Variants in FADS3 observed in about 807,000 individuals in gnomAD.
FADS3 encodes the protein cytochrome b5-related protein.
In FADS3, 30 loss-of-function variants were observed where a neutral mutation model predicts 60.4. The observed-to-expected ratio is 0.50, with a 90% CI of 0.37 to 0.67. The LOEUF (loss-of-function observed/expected upper bound fraction) is 0.67, where lower values mean the gene tolerates loss of function less well. Ranked by LOEUF, FADS3 falls within the 30% of genes least tolerant of loss-of-function variation. The pLI, the probability that FADS3 is intolerant of heterozygous loss-of-function variation, is 0.00. For synonymous variants in FADS3, 234 were observed against 249.3 expected, an observed-to-expected ratio of 0.94 and a Z score of 0.58; for missense variants, 432 against 598.3, an observed-to-expected ratio of 0.72 and a Z score of 2.90.
At position 61,876,759 on chromosome 11, in the gene FADS3, C is replaced by T; in HGVS notation, c.983+107G>A. ...TGATTCCACCAGCAAGCCAGGGAGG[C>T]AGTACCACTGGCCCCATTCTGCAGA... On this transcript the variant is annotated intron_variant, in intron 8 of 11. Transcript: ENST00000278829. This position sits in a 1 kb window ranked among gnomAD's most constrained non-coding sequence, Gnocchi z 5.7. The T allele has an allele frequency of 1.1e-6, 1 of 911,828 alleles. No individual in the cohort carries two copies. Among genetic ancestry groups the T allele is most frequent in the Non-Finnish European group, 1.8e-6 (1 of 568,816 alleles). The allele number at this position is 911,828 out of a possible 1,614,324, so 56.5% of individuals were successfully genotyped here. A position where few individuals can be genotyped will look rare whatever the true frequency, so the allele number is the denominator to read the frequency against.
intron 1 of FADS3, chr11:61,890,551 T>G (rs1938467921): frequency 6.6e-6 from 1 of 152,374 alleles, no homozygotes; most frequent in Non-Finnish European, 1.5e-5. Flanking sequence ...TCCCTGCCTG[T>G]CTAGACAGGG....
chr11:61,889,711 G>A (rs1387881713), intron 1 of FADS3, among the ~76,000 whole-genome samples: 1 of 149,462 alleles, frequency 6.7e-6, no homozygotes, highest in Non-Finnish European at 1.5e-5. Context: ...AAAGACTAGA[G>A]CAGGCCGGGA....
intron 11 of FADS3, among the ~76,000 whole-genome samples, chr11:61,875,422 G>A (rs1288967140): frequency 1.2e-4 from 16 of 133,942 alleles, no homozygotes; most frequent in South Asian, 4.7e-4. Flanking sequence ...TAGTAGAGAC[G>A]GGGTTTCACC....
In FADS3 at chr11:61,876,206, G is replaced by A. The variant is rs202187518; in HGVS notation, c.1081-16C>T. 1.1e-5 allele frequency: 18 copies of A among 1,590,652 alleles called. No homozygotes were observed. The highest frequency in any genetic ancestry group is 7.1e-5 in the Admixed American group (4 of 56,146). ...TGGCTGCCAGCTGCCGGAAGCCGGCGGGGCACATGTGAGGAGGCCGTTGCA... is the reference window on the plus strand; with the variant it reads ...TGGCTGCCAGCTGCCGGAAGCCGGCAGGGCACATGTGAGGAGGCCGTTGCA... On this transcript the variant is annotated splice_polypyrimidine_tract_variant and intron_variant, in intron 9 of 11. Coordinates refer to ENST00000278829, the MANE Select transcript of FADS3 (RefSeq NM_021727.5). This position sits in a 1 kb window ranked among gnomAD's most constrained non-coding sequence, Gnocchi z 5.7.
At chr11:61,890,966 G>C (rs545151881) in intron 1 of FADS3, among the ~76,000 whole-genome samples, 1 of 152,316 alleles carries the variant, frequency 6.6e-6, no homozygotes, top group African/African-American at 2.4e-5. Flanking sequence ...GGACAGCTGC[G>C]GGTCCTCCAC....
In FADS3 at chr11:61,891,264, C is replaced by T; in HGVS notation, c.118G>A (p.Val40Ile). The T allele has an allele frequency of 6.5e-7, 1 of 1,541,556 alleles. No homozygotes were observed. Among genetic ancestry groups the T allele is most frequent in the Non-Finnish European group, 8.7e-7 (1 of 1,146,860 alleles). Residue 40 changes from valine to isoleucine, a missense_variant, in exon 1 of 12, where the codon GTC (valine) becomes ATC (isoleucine). Transcript: ENST00000278829. ...ATGTCGTAGACGCGGCGCTCGATGACCAGCCACTTGTCGCCGGGCTGGTCG... is the reference window on the plus strand; with the variant it reads ...ATGTCGTAGACGCGGCGCTCGATGATCAGCCACTTGTCGCCGGGCTGGTCG... ...AHDQPGDKWLVIERRVYDISR... is the reference protein window; with the variant it reads ...AHDQPGDKWLIIERRVYDISR...
At chr11:61,879,097 C>A (rs564694386) in intron 3 of FADS3, among the ~76,000 whole-genome samples, 47 of 152,338 alleles carry the variant, frequency 3.1e-4, no homozygotes, top group Non-Finnish European at 1.5e-4. Flanking sequence ...GGAATCTGTT[C>A]AAGAAGGAAC....
At chr11:61,879,266 C>T (rs371236051) in intron 3 of FADS3, 46 bp downstream of exon 3, 135 of 1,498,860 alleles carry the variant, frequency 9.0e-5, no homozygotes, top group East Asian at 6.9e-4. Flanking sequence ...TGGGGGCCCA[C>T]GTCTGTTGGG....
intron 11 of FADS3, among the ~76,000 whole-genome samples, chr11:61,875,518 C>T (rs976558020): frequency 6.6e-6 from 1 of 152,086 alleles, no homozygotes; most frequent in African/African-American, 2.4e-5. Flanking sequence ...CAGGCGTGAG[C>T]CACCGCACCC....
chr11:61,880,177 G>T, intron 1 of FADS3, 26 bp from the exon 2 acceptor site: 1 of 1,589,192 alleles, frequency 6.3e-7, no homozygotes, highest in South Asian at 1.1e-5. Flanking sequence ...CAGTCAGGCG[G>T]ACAGACAGAC....
At chr11:61,891,131 C>T (rs1327423947) in intron 1 of FADS3, 38 bp downstream of exon 1, 1 of 1,525,710 alleles carries the variant, frequency 6.6e-7, no homozygotes, top group Admixed American at 2.0e-5. Flanking sequence ...GCTCCAGGCT[C>T]CACCCGCCGG....
rs1043304687 is a variant in FADS3 at position 61,876,533 on chromosome 11, C to T, written c.984-78G>A. On this transcript the variant is annotated intron_variant, in intron 8 of 11. Coordinates refer to ENST00000278829, the MANE Select transcript of FADS3 (RefSeq NM_021727.5). The surrounding 1 kb of genome is among the most constrained non-coding windows in gnomAD (Gnocchi z 5.7). The stretch of plus-strand genomic sequence containing the variant: ...TGAGTGGAGGCTGGAGAGCAGCTGT[C>T]CCCAAGTGGCCTTGACTTCCTTATC... The T allele has an allele frequency of 1.2e-4, 143 of 1,172,526 alleles. No homozygotes were observed. Among genetic ancestry groups the T allele is most frequent in the Non-Finnish European group, 1.7e-4 (132 of 784,046 alleles). 72.6% of individuals were successfully genotyped at this position (1,172,526 alleles called of 1,614,324 possible).
chr11:61,886,035 G>A (rs373696117), intron 1 of FADS3, among the ~76,000 whole-genome samples: 3 of 152,152 alleles, frequency 2.0e-5, no homozygotes, highest in East Asian at 3.9e-4. Context: ...TCTAAACATG[G>A]GACATCCAAA....
In FADS3 at chr11:61,878,779, G is replaced by A. The variant is rs766762981; in HGVS notation, c.591C>T (p.His197=). The change falls in exon 4 of 12, where the codon CAC becomes CAT. Residue 197 remains histidine (H), a synonymous_variant. Transcript: ENST00000278829. ...ASIFKKSWWN[H]VAQKFVMGQL... is the part of the protein sequence containing the mutation. Reference sequence around the variant, plus strand: ...GCCCCATCACGAACTTCTGGGCCACGTGGTTCCACCAGGACTTCTTGAAGA... The same window carrying A: ...GCCCCATCACGAACTTCTGGGCCACATGGTTCCACCAGGACTTCTTGAAGA... The A allele has an allele frequency of 5.6e-6, 9 of 1,614,026 alleles. No individual in the cohort carries two copies. Among genetic ancestry groups the A allele is most frequent in the Admixed American group, 3.3e-5 (2 of 59,998 alleles).
Position 61,877,749 on chromosome 11 carries a change from C to A in FADS3, c.809-162G>T. 1 of 670,100 alleles carries A rather than the reference C, an allele frequency of 1.5e-6. No homozygotes were observed. The highest frequency in any genetic ancestry group is 2.6e-6 in the Non-Finnish European group (1 of 386,036). 41.5% of individuals were successfully genotyped at this position (670,100 alleles called of 1,614,324 possible). A position where few individuals can be genotyped will look rare whatever the true frequency, so the allele number is the denominator to read the frequency against. On this transcript the variant is annotated intron_variant, in intron 6 of 11. Coordinates refer to ENST00000278829, the MANE Select transcript of FADS3 (RefSeq NM_021727.5). The surrounding 1 kb of genome is among the most constrained non-coding windows in gnomAD (Gnocchi z 4.7). ...TATCACCCCCAATTCTGTGTCCAAG[C>A]CTCCCCAGGCTGCCCTTACCCCACC...
chr11:61,888,370 G>A (rs1295191189), intron 1 of FADS3, among the ~76,000 whole-genome samples: 2 of 152,208 alleles, frequency 1.3e-5, no homozygotes, highest in African/African-American at 2.4e-5. Flanking sequence ...GGGATGCCTG[G>A]GGCCTGGGCT....
In FADS3 at chr11:61,876,064, C is replaced by T; in HGVS notation, c.1160+47G>A. 6.2e-7 allele frequency: 1 copy of T among 1,609,722 alleles called. No homozygotes were observed. The highest frequency in any genetic ancestry group is 8.5e-7 in the Non-Finnish European group (1 of 1,178,108). ...CGGGTCCCCTCCCAGGATCCCCTCC[C>T]AGGACCCCCTCCCCACCTCCCACTG... is the stretch of plus-strand genomic sequence containing the variant. On this transcript the variant is annotated intron_variant, in intron 10 of 11. Transcript: ENST00000278829. This position sits in a 1 kb window ranked among gnomAD's most constrained non-coding sequence, Gnocchi z 5.7.
intron 1 of FADS3, 169 bp from the exon 2 acceptor site, chr11:61,880,320 TC>T: frequency 1.8e-6 from 1 of 549,924 alleles, no homozygotes; most frequent in Non-Finnish European, 3.2e-6. Flanking sequence ...TCCCTGGTCC[TC>T]CCAGGGCCCC....
chr11:61,874,081 C>T (rs536608887), intron 11 of FADS3, among the ~76,000 whole-genome samples: 43 of 152,274 alleles, frequency 2.8e-4, no homozygotes, highest in Admixed American at 2.0e-3. Context: ...TGACGGGTGT[C>T]GGGTAGGGGA....
Sources: allele counts gnomAD v4.1 joint callset (sites outside exome capture counted in the v4.1 genomes callset), GRCh38; gene constraint gnomAD v4.1.1; non-coding constraint Gnocchi (gnomAD v3.1); transcripts MANE v1.5; gene names NCBI Gene and HGNC (gene_info 2026-07-23, HGNC 2026-07-21).